The following NPC1 variants were observed in gnomAD, a reference collection of about 807,000 sequenced individuals.
NPC1 encodes the protein NPC intracellular cholesterol transporter 1, also known as Niemann-Pick C1 protein.
In NPC1, 85 loss-of-function variants were observed where a neutral mutation model predicts 140.4. That is an observed-to-expected ratio of 0.61 (90% CI 0.51 to 0.72). NPC1 has a LOEUF of 0.72. Among genes scored for constraint, NPC1 ranks in the 30% least tolerant of loss-of-function variants. The pLI is 0.00. For synonymous variants in NPC1, 656 were observed against 624.8 expected, an observed-to-expected ratio of 1.05 and a Z score of -0.74; for missense variants, 1,504 against 1,623.8, an observed-to-expected ratio of 0.93 and a Z score of 1.27.
intron 4 of NPC1, among the ~76,000 whole-genome samples, chr18:23,566,593 T>C (rs956920256): frequency 1.3e-4 from 14 of 107,770 alleles, no homozygotes; most frequent in African/African-American, 5.9e-4. Context: ...AAAAATAAAA[T>C]ACTTACACAC....
chr18:23,533,351 T>C lies in NPC1; in HGVS notation c.3754+4A>G, dbSNP rs2145335270. The C allele has an allele frequency of 3.1e-6, 5 of 1,613,798 alleles. No individual in the cohort carries two copies. The highest frequency in any genetic ancestry group is 4.2e-6 in the Non-Finnish European group (5 of 1,179,660). On this transcript the variant is annotated splice_donor_region_variant and intron_variant, in intron 24 of 24. Coordinates refer to ENST00000269228, the MANE Select transcript of NPC1 (RefSeq NM_000271.5). Reference sequence around the variant, plus strand: ...TGCCACCCTTTTAAGATGAGAACTCTTACCTATGTAACTGAGTAAGACAGG... The same window carrying C: ...TGCCACCCTTTTAAGATGAGAACTCCTACCTATGTAACTGAGTAAGACAGG...
At chr18:23,529,739 T>G, downstream of NPC1, 4 of 1,586,300 alleles carry the variant, frequency 2.5e-6, no homozygotes, top group Non-Finnish European at 3.5e-6. Flanking sequence ...TGGGCCCAAG[T>G]TAAAACAGAA....
chr18:23,572,323 T>TA, intron 2 of NPC1, 143 bp from the exon 3 acceptor site: 2 of 665,112 alleles, frequency 3.0e-6, no homozygotes, highest in South Asian at 1.5e-5. Context: ...GCAAAGTTAT[T>TA]ATAGAATTAT....
At position 23,536,738 on chromosome 18, in the gene NPC1, A is replaced by C; in HGVS notation, c.3180T>G (p.Leu1060=). Residue 1060 remains leucine (L), a synonymous_variant, in exon 21 of 25, where the codon CTT becomes CTG. Coordinates refer to ENST00000269228, the MANE Select transcript of NPC1 (RefSeq NM_000271.5). ...TGGTTTCGGTGACATTACTGGCTAT[A>C]AGTCGGGCTTTCTTCAGAGCGTCAA... ...DFIDALKKAR[L]IASNVTETMG... The C allele has an allele frequency of 6.2e-7, 1 of 1,614,176 alleles. No homozygotes were observed. Among genetic ancestry groups the C allele is most frequent in the Non-Finnish European group, 8.5e-7 (1 of 1,180,034 alleles).
At chr18:23,543,348 A>AAG in intron 14 of NPC1, 107 bp downstream of exon 14, 1 of 345,560 alleles carries the variant, frequency 2.9e-6, no homozygotes, top group Non-Finnish European at 5.3e-6. Flanking sequence ...AAAAAAAAAG[A>AAG]AAAAAAAAAA....
downstream of NPC1, chr18:23,530,325 T>A (rs368307299): frequency 4.3e-6 from 7 of 1,614,112 alleles, no homozygotes; most frequent in Non-Finnish European, 5.9e-6. Context: ...GGTTTTAGAC[T>A]ATGGAAACTA....
At chr18:23,517,386 G>A (rs985511782), downstream of NPC1, among the ~76,000 whole-genome samples, 1 of 152,144 alleles carries the variant, frequency 6.6e-6, no homozygotes, top group African/African-American at 2.4e-5. Flanking sequence ...TTGACCTCTT[G>A]ATCTGCCCTC....
chr18:23,522,429 G>A (rs2058167124), exon 2 of NPC1: 1 of 152,182 alleles, frequency 6.6e-6, no homozygotes, highest in Non-Finnish European at 1.5e-5. Context: ...AGCTTTGAAT[G>A]CAGCCCAACA....
At chr18:23,546,888 A>G (rs2058797496) in intron 11 of NPC1, among the ~76,000 whole-genome samples, 1 of 152,242 alleles carries the variant, frequency 6.6e-6, no homozygotes, top group Admixed American at 6.5e-5. Context: ...TTTATTGTGG[A>G]GTAATGAAAA....
chr18:23,526,834 G>T, downstream of NPC1: 1 of 1,563,776 alleles, frequency 6.4e-7, no homozygotes, highest in Non-Finnish European at 8.7e-7. Flanking sequence ...CTTTTTATCG[G>T]GATGTGGGCT....
intron 8 of NPC1, among the ~76,000 whole-genome samples, chr18:23,555,979 C>T (rs2145453749): frequency 6.6e-6 from 1 of 152,348 alleles, no homozygotes; most frequent in East Asian, 1.9e-4. Context: ...TCTTCTTTCT[C>T]TGCTCATCTC....
chr18:23,512,174 C>T (rs2057879098), intron 3 of NPC1, among the ~76,000 whole-genome samples: 2 of 151,934 alleles, frequency 1.3e-5, no homozygotes, highest in South Asian at 4.2e-4. Flanking sequence ...GCGCCCAGCA[C>T]CACGCCTGGC....
At chr18:23,538,874 C>CA in intron 19 of NPC1, 1 of 607,070 alleles carries the variant, frequency 1.6e-6, no homozygotes. Flanking sequence ...ATACCATTTT[C>CA]ATCTTAGGCA....
At chr18:23,548,972 A>C (rs932541293) in intron 10 of NPC1, among the ~76,000 whole-genome samples, 1 of 151,958 alleles carries the variant, frequency 6.6e-6, no homozygotes, top group East Asian at 1.9e-4. Context: ...GTATTTATGT[A>C]GAGATGGGAT....
downstream of NPC1, chr18:23,529,761 A>C: frequency 6.5e-7 from 1 of 1,534,868 alleles, no homozygotes. Context: ...GAATTTAAAA[A>C]AAAAACACAG....
intron 23 of NPC1, 124 bp from the exon 24 acceptor site, chr18:23,533,641 G>C: frequency 1.1e-6 from 1 of 923,562 alleles, no homozygotes; most frequent in Non-Finnish European, 1.8e-6. Context: ...TGAGTAGCTG[G>C]GATTAAACAG....
At chr18:23,572,447 T>G (rs74565227) in intron 2 of NPC1, among the ~76,000 whole-genome samples, 1 of 124,516 alleles carries the variant, frequency 8.0e-6, no homozygotes, top group East Asian at 3.0e-4. Flanking sequence ...TCTTAGGGTT[T>G]TTTGTTTGTT....
At chr18:23,529,757 A>T (rs200597877), downstream of NPC1, 1,812 of 1,393,602 alleles carry the variant, frequency 1.3e-3, 13 homozygotes, top group African/African-American at 0.021. Context: ...GAAGGAATTT[A>T]AAAAAAAAAC....
intron 3 of NPC1, chr18:23,516,069 C>A: frequency 1.2e-6 from 2 of 1,601,182 alleles, no homozygotes; most frequent in Non-Finnish European, 1.7e-6. Flanking sequence ...CCTAATGTGT[C>A]AGGCACGTTA....
Sources: gnomAD v4.1 joint callset for allele counts (sites outside exome capture counted in the v4.1 genomes callset) on GRCh38, gnomAD v4.1.1 for gene constraint, MANE v1.5 for transcripts, NCBI Gene and HGNC (gene_info 2026-07-23, HGNC 2026-07-21) for gene names.